PDZD2: variants seen among roughly 807,000 people sequenced by gnomAD.
PDZD2 encodes the protein PDZ domain containing 2, also known as PDZ domain-containing protein 2.
A neutral mutation model predicts 220.7 loss-of-function variants in PDZD2; 90 were observed. That is an observed-to-expected ratio of 0.41 (90% confidence interval 0.34 to 0.49). The LOEUF is 0.49. PDZD2 is among the 20% of genes least tolerant of loss of function. PDZD2 has a pLI of 0.28. For missense variants in PDZD2, 3,174 were observed against 3,608.5 expected (o/e 0.88, Z 3.08); for synonymous variants, 1,375 against 1,450.5 (o/e 0.95, Z 1.18).
chr5:31,645,230 G>A (rs571010088), intron 1 of PDZD2, among the ~76,000 whole-genome samples: 49 of 152,118 alleles, frequency 3.2e-4, no homozygotes, highest in African/African-American at 9.6e-4. Context: ...AGGAAGGGGC[G>A]TCCATGGCAT....
chr5:31,864,384 CT>C (rs1737998591), intron 2 of PDZD2, among the ~76,000 whole-genome samples: 1 of 152,158 alleles, frequency 6.6e-6, no homozygotes, highest in African/African-American at 2.4e-5. Flanking sequence ...CCAGCGAAAC[CT>C]TTTTTAGTGT....
chr5:32,016,878 C>T (rs1301506485), intron 6 of PDZD2, among the ~76,000 whole-genome samples: 2 of 152,186 alleles, frequency 1.3e-5, no homozygotes, highest in Admixed American at 6.5e-5. Context: ...ATCGTAGTGA[C>T]ATTGTTATTC....
At chr5:31,772,321 C>T (rs1039812384) in intron 1 of PDZD2, among the ~76,000 whole-genome samples, 12 of 152,132 alleles carry the variant, frequency 7.9e-5, no homozygotes, top group African/African-American at 2.9e-4. Flanking sequence ...TGGGTCATAC[C>T]CTTGCTCTCT....
At chr5:31,968,489 A>G (rs1164069803) in intron 2 of PDZD2, among the ~76,000 whole-genome samples, 2 of 152,154 alleles carry the variant, frequency 1.3e-5, no homozygotes, top group Non-Finnish European at 2.9e-5. Flanking sequence ...CCCTGTCTCT[A>G]CTAAAAATAC....
chr5:31,777,113 G>A (rs115208533), intron 1 of PDZD2, among the ~76,000 whole-genome samples: 1,970 of 152,278 alleles, frequency 0.013, 37 homozygotes, highest in African/African-American at 0.04. Context: ...GGAGAGGTGC[G>A]GCCAGGAACC....
At chr5:31,909,527 A>G (rs1209767056) in intron 2 of PDZD2, among the ~76,000 whole-genome samples, 8 of 152,298 alleles carry the variant, frequency 5.3e-5, no homozygotes, top group Non-Finnish European at 5.9e-5. Flanking sequence ...TTTACCGCAT[A>G]CAGTAGAATA....
chr5:31,695,886 G>A (rs982296444), intron 1 of PDZD2, among the ~76,000 whole-genome samples: 43 of 152,148 alleles, frequency 2.8e-4, no homozygotes, highest in African/African-American at 9.7e-4. Flanking sequence ...TGAAGACATG[G>A]CGAGGGAGAC....
At position 31,799,739 on chromosome 5, in the gene PDZD2, T is replaced by C. The variant is rs772369734; in HGVS notation, c.476+15T>C. 1.3e-6 allele frequency: 2 copies of C among 1,554,326 alleles called. No homozygotes were observed. The highest frequency in any genetic ancestry group is 1.1e-5 in the South Asian group (1 of 89,822). ...AGTGGGGCCAGGTAAGTAGGGGGAA[T>C]GCCTGCTGGCACAGGGGCTGGACAC... On this transcript the variant is annotated intron_variant, in intron 2 of 24. Transcript: ENST00000438447.
At chr5:31,861,109 G>A (rs548089927) in intron 2 of PDZD2, among the ~76,000 whole-genome samples, 64 of 152,202 alleles carry the variant, frequency 4.2e-4, no homozygotes, top group African/African-American at 1.5e-3. Flanking sequence ...CAAAATAGAT[G>A]GCCCTTTTGC....
intron 2 of PDZD2, among the ~76,000 whole-genome samples, chr5:31,939,736 A>C (rs1022023491): frequency 6.6e-6 from 1 of 152,184 alleles, no homozygotes; most frequent in African/African-American, 2.4e-5. Context: ...CAATGTTGTG[A>C]GGGCTGAGTG....
chr5:31,644,031 C>T (rs1280702167), intron 1 of PDZD2, among the ~76,000 whole-genome samples: 3 of 151,968 alleles, frequency 2.0e-5, no homozygotes, highest in Non-Finnish European at 2.9e-5. Flanking sequence ...TGGGGTTTTA[C>T]CATGTTGCCC....
chr5:32,108,143 C>T lies in PDZD2; in HGVS notation c.*8C>T, dbSNP rs776899029. On this transcript the variant is annotated 3_prime_UTR_variant, in exon 25 of 25. Coordinates refer to ENST00000438447, the MANE Select transcript of PDZD2 (RefSeq NM_178140.4). ...CATAGGAATTCTTCATGAATTTTAA[C>T]AAGAATCATTTTCTCAGTTCTCTTC... 3.2e-6 allele frequency: 5 copies of T among 1,569,830 alleles called. No homozygotes were observed. The highest frequency in any genetic ancestry group is 4.3e-6 in the Non-Finnish European group (5 of 1,150,274).
chr5:31,991,752 G>A (rs1430560372), intron 3 of PDZD2, among the ~76,000 whole-genome samples: 3 of 152,266 alleles, frequency 2.0e-5, no homozygotes, highest in East Asian at 1.9e-4. Flanking sequence ...TTGTGGGCCC[G>A]GCACGGTGGC....
In PDZD2 at chr5:31,863,210, GT is replaced by G. The variant is rs1297867817; in HGVS notation, c.476+63489del. ...ATGAGACCTTTTTTTTGACTGTTCTGTTTCTTCTCCATCTTCTTGACCCCTA... is the reference window on the plus strand; with the variant it reads ...ATGAGACCTTTTTTTTGACTGTTCTGTTCTTCTCCATCTTCTTGACCCCTA... On this transcript the variant is annotated intron_variant, in intron 2 of 24. Transcript: ENST00000438447. Among the ~76,000 whole-genome samples, 6 of 152,272 alleles carry G rather than the reference GT, an allele frequency of 3.9e-5. No individual in the cohort carries two copies. The East Asian group carries it at 1.2e-3, about 29-fold the overall frequency.
At chr5:31,982,650 A>G (rs1302452350) in intron 2 of PDZD2, among the ~76,000 whole-genome samples, 2 of 152,164 alleles carry the variant, frequency 1.3e-5, no homozygotes, top group Admixed American at 6.5e-5. Context: ...ACCCCTACTC[A>G]GTGAGGCATA....
rs558540964 is a variant in PDZD2 at position 31,919,904 on chromosome 5, C to T, written c.477-63251C>T. On this transcript the variant is annotated intron_variant, in intron 2 of 24. Coordinates refer to ENST00000438447, the MANE Select transcript of PDZD2 (RefSeq NM_178140.4). The stretch of plus-strand genomic sequence containing the variant: ...GCGTGGTGGTGTGTGCCTGTAGTTT[C>T]GGCTGCCTGGGAGGATGAGGCAGGA... 2.0e-4 allele frequency among the ~76,000 whole-genome samples: 30 copies of T among 150,624 alleles called. 1 individual carries two copies. The highest frequency in any genetic ancestry group is 6.8e-3 in the Middle Eastern group (2 of 292).
chr5:31,724,707 T>C (rs1339740136), intron 1 of PDZD2, among the ~76,000 whole-genome samples: 1 of 149,856 alleles, frequency 6.7e-6, no homozygotes, highest in Non-Finnish European at 1.5e-5. Flanking sequence ...CCACGCTGCA[T>C]CATAAATAAT....
chr5:32,104,197 C>A (rs1296349173), intron 24 of PDZD2, among the ~76,000 whole-genome samples: 2 of 151,958 alleles, frequency 1.3e-5, no homozygotes, highest in Non-Finnish European at 2.9e-5. Flanking sequence ...CACTTGAGGT[C>A]AGGATTCACC....
chr5:31,650,840 G>A lies in PDZD2; in HGVS notation c.-361+11403G>A, dbSNP rs148008257. Among the ~76,000 whole-genome samples, 389 of 152,228 alleles carry A rather than the reference G, an allele frequency of 2.6e-3. 3 individuals carry two copies. The highest frequency in any genetic ancestry group is 8.7e-3 in the African/African-American group (360 of 41,542). On this transcript the variant is annotated intron_variant, in intron 1 of 24. Coordinates refer to ENST00000438447, the MANE Select transcript of PDZD2 (RefSeq NM_178140.4). ...ATGTAGTTTGGTCTTTTCGGCCTCC[G>A]CGTTTCTTCCTAGCTGATAAGAGCC... is the stretch of plus-strand genomic sequence containing the variant.
Sources: gnomAD v4.1 joint callset for allele counts (sites outside exome capture counted in the v4.1 genomes callset) on GRCh38, gnomAD v4.1.1 for gene constraint, MANE v1.5 for transcripts, NCBI Gene and HGNC (gene_info 2026-07-23, HGNC 2026-07-21) for gene names.